Variants in LIPG observed in about 807,000 individuals in gnomAD.
LIPG encodes lipase G, endothelial type, also known as endothelial lipase.
A neutral mutation model predicts 51.8 loss-of-function variants in LIPG; 34 were observed. The ratio of observed to expected loss-of-function variants is 0.66; its 90% confidence interval spans 0.50 to 0.87. The LOEUF (loss-of-function observed/expected upper bound fraction) is 0.87. Ranked by LOEUF, LIPG falls within the 40% of genes least tolerant of loss-of-function variation. The pLI, the probability that LIPG is intolerant of heterozygous loss-of-function variation, is 0.00. For synonymous variants in LIPG, 246 were observed against 246.1 expected (o/e 1.00, Z 0.00); for missense variants, 580 against 652.7 (o/e 0.89, Z 1.21).
intron 4 of LIPG, among the ~76,000 whole-genome samples, chr18:49,573,818 G>C (rs1206597047): frequency 6.6e-6 from 1 of 152,126 alleles, no homozygotes; most frequent in South Asian, 2.1e-4. Flanking sequence ...CAGGACTCTT[G>C]TTGGTCACAT....
chr18:49,589,311 G>C (rs569544643), intron 9 of LIPG: 3 of 152,182 alleles, frequency 2.0e-5, no homozygotes, highest in East Asian at 3.8e-4. Flanking sequence ...TCAGTCTAGC[G>C]TAGGCTCGTA....
rs147420611 is a variant in LIPG, at chr18:49,597,286, C to T, written c.*6764C>T. 3 of 152,264 alleles carry T rather than the reference C, an allele frequency of 2.0e-5. No individual in the cohort carries two copies. The East Asian group carries it at 5.8e-4, about 29-fold the overall frequency. The allele number at this position is 152,264 out of a possible 1,614,324, so 9.4% of individuals were successfully genotyped here. ...CACAGTTGATTTCATTTCTTCCCTCCTGAACTTACAGAGCCTTTCAGTAAA... is the reference window on the plus strand; with the variant it reads ...CACAGTTGATTTCATTTCTTCCCTCTTGAACTTACAGAGCCTTTCAGTAAA... On this transcript the variant is annotated 3_prime_UTR_variant, in exon 10 of 10. Transcript: ENST00000261292.
In LIPG at chr18:49,581,531, A is replaced by T. The variant is rs2084819657; in HGVS notation, c.910A>T (p.Lys304Ter). 1 of 1,614,084 alleles carries T rather than the reference A, an allele frequency of 6.2e-7. No individual in the cohort carries two copies. Among genetic ancestry groups the T allele is most frequent in the Non-Finnish European group, 8.5e-7 (1 of 1,180,036 alleles). Reference protein sequence around the residue: ...AFQCTDSNRFKKGICLSCRKN... With the variant: ...AFQCTDSNRF ...CCAGTGCACTGACTCCAATCGCTTCAAAAAGGGGATCTGTCTGAGCTGCCG... is the reference window on the plus strand; with the variant it reads ...CCAGTGCACTGACTCCAATCGCTTCTAAAAGGGGATCTGTCTGAGCTGCCG... The change falls in exon 6 of 10, where the codon AAA becomes TAA. Residue 304 changes from lysine (K) to a stop codon, truncating the protein, a stop_gained. Transcript: ENST00000261292. LOFTEE classifies it high-confidence loss of function.
At position 49,586,574 on chromosome 18, in the gene LIPG, G is replaced by T. The variant is rs35959939; in HGVS notation, c.1377-172G>T. Among the ~76,000 whole-genome samples the T allele has an allele frequency of 8.5e-3, 1,299 of 152,294 alleles. 77 individuals are homozygous for T. In the East Asian group the frequency reaches 0.15, roughly 18 times the overall value. On this transcript the variant is annotated intron_variant, in intron 8 of 9. Coordinates refer to ENST00000261292, the MANE Select transcript of LIPG (RefSeq NM_006033.4). Reference sequence around the variant, plus strand: ...CCGAATCATGGAAGCCTCAAAGTGAGACACAGGTTAGAGTCCCTGCAGTAG... The same window carrying T: ...CCGAATCATGGAAGCCTCAAAGTGATACACAGGTTAGAGTCCCTGCAGTAG...
At chr18:49,590,274 G>A (rs1393427492) in intron 9 of LIPG, 15 of 646,450 alleles carry the variant, frequency 2.3e-5, no homozygotes, top group Non-Finnish European at 4.0e-5. Flanking sequence ...TCCAGAGGGT[G>A]CTGCAGTGTG....
intron 4 of LIPG, 97 bp downstream of exon 4, chr18:49,569,645 T>C: frequency 1.0e-6 from 1 of 1,000,946 alleles, no homozygotes; most frequent in Non-Finnish European, 1.6e-6. Context: ...AAGTTAGCTT[T>C]GGAAGGAACC....
Position 49,590,786 on chromosome 18 carries a change from T to G in LIPG, c.*264T>G, listed in dbSNP as rs1234838554. On this transcript the variant is annotated 3_prime_UTR_variant, in exon 10 of 10. Coordinates refer to ENST00000261292, the MANE Select transcript of LIPG (RefSeq NM_006033.4). ...CCAGAGCACCAAGTCCAGATTTGTGTGTAAGCAGCTGGGTGCCTGGGGCCT... is the reference window on the plus strand; with the variant it reads ...CCAGAGCACCAAGTCCAGATTTGTGGGTAAGCAGCTGGGTGCCTGGGGCCT... The G allele has an allele frequency of 7.0e-6, 4 of 567,848 alleles. No individual in the cohort carries two copies. Among genetic ancestry groups the G allele is most frequent in the East Asian group, 3.0e-5 (1 of 33,078 alleles). The allele number at this position is 567,848 out of a possible 1,614,324, so 35.2% of individuals were successfully genotyped here. A position where few individuals can be genotyped will look rare whatever the true frequency, so the allele number is the denominator to read the frequency against.
chr18:49,578,110 G>A (rs1343320537), intron 5 of LIPG, among the ~76,000 whole-genome samples: 1 of 81,370 alleles, frequency 1.2e-5, no homozygotes, highest in East Asian at 2.6e-4. Flanking sequence ...CGGCTGGCCG[G>A]GCGGGGGGCT....
At chr18:49,590,229 G>T in intron 9 of LIPG, 1 of 530,810 alleles carries the variant, frequency 1.9e-6, no homozygotes. Flanking sequence ...TGGATAATAT[G>T]TAAATGCAAG....
chr18:49,565,246 T>C (rs1337759710), intron 1 of LIPG, 71 bp from the exon 2 acceptor site: 2 of 1,502,746 alleles, frequency 1.3e-6, no homozygotes, highest in East Asian at 4.6e-5. Flanking sequence ...ACGATTGAAC[T>C]AGAATCAGAC....
chr18:49,565,497 C>A lies in LIPG; in HGVS notation c.278C>A (p.Thr93Lys), dbSNP rs147973057. ...ACCTTTTTCATCATTCACGGATGGA[C>A]GGTGAGCCCGGGGAGGGAGCTCTGC... ...AKTFFIIHGW[T>K]MSGIFENWLH... The change falls in exon 2 of 10, where the codon ACG (threonine) becomes AAG (lysine). Residue 93 changes from threonine (T) to lysine (K), a missense_variant and splice_region_variant. Coordinates refer to ENST00000261292, the MANE Select transcript of LIPG (RefSeq NM_006033.4). 1.2e-6 allele frequency: 2 copies of A among 1,614,156 alleles called. No individual in the cohort carries two copies. The highest frequency in any genetic ancestry group is 1.7e-5 in the Admixed American group (1 of 60,022).
intron 7 of LIPG, among the ~76,000 whole-genome samples, 168 bp from the exon 8 acceptor site, chr18:49,583,388 T>G (rs942324719): frequency 6.6e-6 from 1 of 152,132 alleles, no homozygotes; most frequent in Non-Finnish European, 1.5e-5. Context: ...ACACCTGAGC[T>G]TCCATCTTGG....
At chr18:49,590,285 G>T in intron 9 of LIPG, 1 of 659,150 alleles carries the variant, frequency 1.5e-6, no homozygotes, top group Non-Finnish European at 2.8e-6. Context: ...CTGCAGTGTG[G>T]TGTTTCTCAA....
chr18:49,580,605 C>T (rs1381481959), intron 5 of LIPG, among the ~76,000 whole-genome samples: 1 of 151,920 alleles, frequency 6.6e-6, no homozygotes, highest in Non-Finnish European at 1.5e-5. Context: ...TTGAGGCCAG[C>T]CCAGGCAACA....
At chr18:49,561,600 C>T, upstream of LIPG, 2 of 1,017,912 alleles carry the variant, frequency 2.0e-6, no homozygotes, top group Non-Finnish European at 2.5e-6. Context: ...AAGGGGATGA[C>T]CAGGTGGCTC....
intron 9 of LIPG, among the ~76,000 whole-genome samples, chr18:49,588,730 A>G (rs2084910964): frequency 6.6e-6 from 1 of 152,152 alleles, no homozygotes; most frequent in Non-Finnish European, 1.5e-5. Context: ...AGGAAGGCCC[A>G]TCTTGTGGTG....
Position 49,586,836 on chromosome 18 carries a change from GA to G in LIPG, c.1472del (p.Asn491ThrfsTer73), listed in dbSNP as rs774885876. The G allele has an allele frequency of 2.5e-6, 4 of 1,613,704 alleles. No individual in the cohort carries two copies. The highest frequency in any genetic ancestry group is 2.2e-5 in the East Asian group (1 of 44,886). On this transcript the variant is annotated frameshift_variant, in exon 9 of 10. Coordinates refer to ENST00000261292, the MANE Select transcript of LIPG (RefSeq NM_006033.4). LOFTEE classifies it high-confidence loss of function. ...FRKCRDGWRMKNETSPTVELP is the reference protein window; with the variant it reads ...FRKCRDGWRMXNETSPTVELP The stretch of plus-strand genomic sequence containing the variant: ...GCAAGTGTCGGGATGGCTGGAGGAT[GA>G]AAAACGAAACCAGGTAACCAGGACT...
intron 9 of LIPG, 126 bp downstream of exon 9, chr18:49,586,976 T>A: frequency 3.9e-6 from 3 of 759,796 alleles, no homozygotes; most frequent in East Asian, 2.8e-5. Context: ...ATCTCTTCCT[T>A]TAAGAAGTTG....
In LIPG at chr18:49,579,759, CTTTCCTTTCTTTTCT is replaced by C. The variant is rs1210792069; in HGVS notation, c.794-1651_794-1637del. Among the ~76,000 whole-genome samples, 90 of 109,572 alleles carry C rather than the reference CTTTCCTTTCTTTTCT, an allele frequency of 8.2e-4. 1 individual carries two copies. The highest frequency in any genetic ancestry group is 1.9e-3 in the Admixed American group (21 of 10,960). 71.9% of individuals were successfully genotyped at this position (109,572 alleles called of 152,430 possible). A position where few individuals can be genotyped will look rare whatever the true frequency, so the allele number is the denominator to read the frequency against. On this transcript the variant is annotated intron_variant, in intron 5 of 9. Transcript: ENST00000261292. ...GATGGCCTTTCTTTCCTTTCCTTTC[CTTTCCTTTCTTTTCT>C]TTTCTTTTCTTTTCTTTTCTTTTCT...
Sources: allele counts gnomAD v4.1 joint callset (sites outside exome capture counted in the v4.1 genomes callset), GRCh38; gene constraint gnomAD v4.1.1; transcripts MANE v1.5; gene names NCBI Gene and HGNC (gene_info 2026-07-23, HGNC 2026-07-21).